PCLO: variants seen among roughly 807,000 people sequenced by gnomAD.
PCLO encodes the protein piccolo presynaptic cytomatrix protein, also known as protein piccolo.
In PCLO, 82 loss-of-function variants were observed where a neutral mutation model predicts 427.5. The ratio of observed to expected loss-of-function variants is 0.19; its 90% CI spans 0.16 to 0.23. The LOEUF is 0.23. Among genes scored for constraint, PCLO ranks in the 10% least tolerant of loss-of-function variants. The probability of loss-of-function intolerance (pLI) is 1.00; values close to 1 mark genes in which losing one functional copy is unlikely to be tolerated. For synonymous variants in PCLO, 2,357 were observed against 2,155.4 expected, an observed-to-expected ratio of 1.09 and a Z score of -2.59; for missense variants, 6,239 against 6,115.9, an observed-to-expected ratio of 1.02 and a Z score of -0.67.
chr7:83,036,552 G>A (rs1788799851), intron 3 of PCLO, among the ~76,000 whole-genome samples: 1 of 151,992 alleles, frequency 6.6e-6, no homozygotes, highest in Non-Finnish European at 1.5e-5. Context: ...TTGTCCTCAT[G>A]TATGTTATTA....
chr7:82,967,546 C>A (rs930794903), intron 3 of PCLO, among the ~76,000 whole-genome samples: 1 of 152,080 alleles, frequency 6.6e-6, no homozygotes, highest in African/African-American at 2.4e-5. Context: ...CTAATAGGGT[C>A]TTTAGACATA....
chr7:82,826,161 T>G (rs1791938991), intron 18 of PCLO, among the ~76,000 whole-genome samples: 1 of 151,874 alleles, frequency 6.6e-6, no homozygotes, highest in African/African-American at 2.4e-5. Flanking sequence ...CTTGTAGTTT[T>G]GCTTCTTAAA....
intron 2 of PCLO, among the ~76,000 whole-genome samples, chr7:83,140,746 T>C (rs978861908): frequency 3.9e-5 from 6 of 152,306 alleles, no homozygotes; most frequent in African/African-American, 7.2e-5. Context: ...TTGATTCAAA[T>C]TGAAGAGTCT....
chr7:82,836,423 T>C (rs1792235103), intron 15 of PCLO, among the ~76,000 whole-genome samples: 1 of 152,096 alleles, frequency 6.6e-6, no homozygotes, highest in African/African-American at 2.4e-5. Flanking sequence ...CTAAAAGATA[T>C]TGCCAAATTA....
intron 10 of PCLO, among the ~76,000 whole-genome samples, chr7:82,865,820 C>T (rs59561581): frequency 0.019 from 2,849 of 152,164 alleles, 97 homozygotes; most frequent in African/African-American, 0.065. Flanking sequence ...CTGTTCCCAC[C>T]TTGGTCTTAA....
chr7:83,075,136 G>GA (rs1192143835), intron 3 of PCLO, among the ~76,000 whole-genome samples: 10 of 151,890 alleles, frequency 6.6e-5, no homozygotes, highest in Non-Finnish European at 1.3e-4. Flanking sequence ...GTACCGGTTT[G>GA]AAAAAGAGGT....
rs371761372 is a variant in PCLO, at chr7:82,801,229, C to T, written c.15007+289G>A. ...ATTTTTAAGTTCAAGATTTCCCTCC[C>T]ACCCTGGGAAAGTCTTCTGAGTCTT... On this transcript the variant is annotated intron_variant, in intron 22 of 24. Transcript: ENST00000333891. Among the ~76,000 whole-genome samples, 8 of 80,190 alleles carry T rather than the reference C, an allele frequency of 1.0e-4. 1 individual carries two copies. The highest frequency in any genetic ancestry group is 1.7e-4 in the African/African-American group (5 of 29,016). 52.6% of individuals were successfully genotyped at this position (80,190 alleles called of 152,430 possible).
At chr7:82,889,102 G>A (rs752591969) in intron 9 of PCLO, among the ~76,000 whole-genome samples, 17 of 152,116 alleles carry the variant, frequency 1.1e-4, no homozygotes, top group South Asian at 2.1e-4. Context: ...ACCTAGGGGC[G>A]CTCCAACCTT....
intron 3 of PCLO, among the ~76,000 whole-genome samples, chr7:82,988,583 T>A (rs1443332807): frequency 6.6e-6 from 1 of 152,086 alleles, no homozygotes; most frequent in Non-Finnish European, 1.5e-5. Flanking sequence ...ACAATCAGTA[T>A]TATTTTTAAA....
At chr7:82,844,269 G>A (rs1317491455) in intron 13 of PCLO, among the ~76,000 whole-genome samples, 1 of 152,052 alleles carries the variant, frequency 6.6e-6, no homozygotes, top group African/African-American at 2.4e-5. Context: ...GCACATAATT[G>A]CTTGTGGTAA....
At chr7:82,860,383 G>A (rs13246551) in intron 10 of PCLO, among the ~76,000 whole-genome samples, 39,470 of 151,742 alleles carry the variant, frequency 0.26, 5,427 homozygotes, top group Middle Eastern at 0.31. Context: ...GAAACCTTAC[G>A]GGCCAGGGAG....
chr7:82,920,966 T>C (rs1472269393), intron 6 of PCLO, among the ~76,000 whole-genome samples: 2 of 151,818 alleles, frequency 1.3e-5, no homozygotes, highest in African/African-American at 4.8e-5. Flanking sequence ...TATGAAAACA[T>C]TCAATTTATT....
intron 10 of PCLO, among the ~76,000 whole-genome samples, chr7:82,873,325 C>T (rs1288105886): frequency 6.6e-6 from 1 of 151,866 alleles, no homozygotes; most frequent in African/African-American, 2.4e-5. Flanking sequence ...CATCCTCTTC[C>T]ACTCTCATTA....
At chr7:82,916,941 G>T in intron 6 of PCLO, 68 bp from the exon 7 acceptor site, 2 of 1,028,518 alleles carry the variant, frequency 1.9e-6, no homozygotes, top group Non-Finnish European at 2.8e-6. Flanking sequence ...CTACTTCCAT[G>T]AATTATATTT....
At chr7:82,836,029 CT>C (rs1193584280) in intron 15 of PCLO, among the ~76,000 whole-genome samples, 1 of 152,074 alleles carries the variant, frequency 6.6e-6, no homozygotes, top group African/African-American at 2.4e-5. Context: ...ATGAGGATAG[CT>C]TTAGGTGGGG....
chr7:82,890,781 G>C (rs554446772), intron 9 of PCLO, among the ~76,000 whole-genome samples: 9 of 151,820 alleles, frequency 5.9e-5, no homozygotes, highest in Non-Finnish European at 1.3e-4. Context: ...TTTTAGGCTT[G>C]TAGATTTTCA....
chr7:82,913,833 A>C (rs1360575934), intron 7 of PCLO, among the ~76,000 whole-genome samples: 1 of 151,904 alleles, frequency 6.6e-6, no homozygotes, highest in East Asian at 1.9e-4. Flanking sequence ...ATGGAAAACT[A>C]GCAAGTCAAT....
intron 20 of PCLO, chr7:82,820,590 T>C: frequency 8.1e-7 from 1 of 1,228,754 alleles, no homozygotes; most frequent in African/African-American, 1.6e-5. Context: ...AATGTCTGTT[T>C]GTAGGATCAA....
chr7:83,006,674 T>C (rs146516199), intron 3 of PCLO, among the ~76,000 whole-genome samples: 3 of 151,688 alleles, frequency 2.0e-5, no homozygotes, highest in East Asian at 1.9e-4. Flanking sequence ...TAGTGTTGTA[T>C]ACTTGAATTT....
Sources: gnomAD v4.1 joint callset for allele counts (sites outside exome capture counted in the v4.1 genomes callset) on GRCh38, gnomAD v4.1.1 for gene constraint, MANE v1.5 for transcripts, NCBI Gene and HGNC (gene_info 2026-07-23, HGNC 2026-07-21) for gene names.